FMNL2: variants seen among roughly 807,000 people sequenced by gnomAD.
The protein encoded by FMNL2 is formin-like protein 2.
A neutral mutation model predicts 130.2 loss-of-function variants in FMNL2; 51 were observed. The ratio of observed to expected loss-of-function variants is 0.39; its 90% CI spans 0.31 to 0.49. FMNL2 has a LOEUF of 0.49. FMNL2 is among the 20% of genes least tolerant of loss of function. The pLI is 0.85. For missense variants in FMNL2, 977 were observed against 1,316.2 expected, an observed-to-expected ratio of 0.74 and a Z score of 3.99; for synonymous variants, 465 against 467.1, an observed-to-expected ratio of 1.00 and a Z score of 0.06.
intron 7 of FMNL2, among the ~76,000 whole-genome samples, chr2:152,576,888 TAGA>T (rs1696506848): frequency 6.6e-6 from 1 of 151,774 alleles, no homozygotes; most frequent in African/African-American, 2.4e-5. Context: ...GGGAGAAGAG[TAGA>T]AGATGAAGTC....
At chr2:152,645,473 A>C in intron 25 of FMNL2, 1 of 1,289,938 alleles carries the variant, frequency 7.8e-7, no homozygotes, top group Non-Finnish European at 1.0e-6. Context: ...CCAAATGTTC[A>C]CTCGAGGGTA....
chr2:152,455,232 C>G (rs1340482151), intron 1 of FMNL2, among the ~76,000 whole-genome samples: 1 of 151,990 alleles, frequency 6.6e-6, no homozygotes, highest in Non-Finnish European at 1.5e-5. Context: ...ATGGGAAGTA[C>G]ACTTGGAAAG....
chr2:152,410,424 A>C (rs934976269), intron 1 of FMNL2, among the ~76,000 whole-genome samples: 2 of 152,232 alleles, frequency 1.3e-5, no homozygotes, highest in African/African-American at 2.4e-5. Flanking sequence ...ATTTCTCCAG[A>C]TCAGACTTTT....
chr2:152,623,147 A>G (rs558792050), intron 15 of FMNL2, among the ~76,000 whole-genome samples: 1 of 152,284 alleles, frequency 6.6e-6, no homozygotes, highest in African/African-American at 2.4e-5. Context: ...GCAAATGGCA[A>G]ACTTCTAGCG....
At chr2:152,579,093 CTT>C (rs1311462387) in intron 8 of FMNL2, 129 bp downstream of exon 8, 11 of 734,664 alleles carry the variant, frequency 1.5e-5, no homozygotes, top group African/African-American at 3.6e-5. Flanking sequence ...GCTATAAACT[CTT>C]TGGCTGTGTA....
intron 2 of FMNL2, among the ~76,000 whole-genome samples, chr2:152,523,354 T>C (rs1461681328): frequency 6.6e-6 from 1 of 152,144 alleles, no homozygotes; most frequent in Non-Finnish European, 1.5e-5. Context: ...TAAATGCTTA[T>C]AAGAGACCAT....
rs775179339 is a variant in FMNL2 at position 152,606,993 on chromosome 2, GT to G, written c.877-334del. The stretch of plus-strand genomic sequence containing the variant: ...CTTTTTACAAAAGGAAGCTATGGTC[GT>G]TTTTTTTTTTTGTTTTTTTTTTTTT... On this transcript the variant is annotated intron_variant, in intron 9 of 25. Coordinates refer to ENST00000288670, the MANE Select transcript of FMNL2 (RefSeq NM_052905.4). Among the ~76,000 whole-genome samples the G allele has an allele frequency of 3.3e-3, 356 of 108,880 alleles. 3 individuals are homozygous for G. Among genetic ancestry groups the G allele is most frequent in the African/African-American group, 9.7e-3 (289 of 29,834 alleles). The allele number at this position is 108,880 out of a possible 152,430, so 71.4% of individuals were successfully genotyped here.
intron 21 of FMNL2, 118 bp from the exon 22 acceptor site, chr2:152,636,309 A>C: frequency 4.0e-6 from 4 of 988,326 alleles, no homozygotes; most frequent in Non-Finnish European, 2.9e-6. Flanking sequence ...GCTGGAAGCT[A>C]GGTTTAGGGC....
intron 1 of FMNL2, among the ~76,000 whole-genome samples, chr2:152,505,105 G>A (rs1367943516): frequency 1.3e-5 from 2 of 152,000 alleles, no homozygotes; most frequent in African/African-American, 4.8e-5. Context: ...AGTCACACAC[G>A]AGTCTGCTCA....
intron 23 of FMNL2, 145 bp downstream of exon 23, chr2:152,637,819 C>T: frequency 1.5e-6 from 1 of 671,812 alleles, no homozygotes. Flanking sequence ...GTCCCTAGCT[C>T]TGTGGAGGCT....
At chr2:152,521,478 C>CT (rs570777199) in intron 1 of FMNL2, among the ~76,000 whole-genome samples, 3,286 of 149,878 alleles carry the variant, frequency 0.022, 112 homozygotes, top group African/African-American at 0.076. Flanking sequence ...GCATTGTTGT[C>CT]TTTTTTTTTT....
At chr2:152,459,194 C>T (rs1192057817) in intron 1 of FMNL2, among the ~76,000 whole-genome samples, 1 of 152,136 alleles carries the variant, frequency 6.6e-6, no homozygotes, top group Non-Finnish European at 1.5e-5. Flanking sequence ...TTTTTGAGAA[C>T]ATATGGAGAG....
intron 1 of FMNL2, among the ~76,000 whole-genome samples, chr2:152,450,522 G>C (rs1258387612): frequency 6.6e-6 from 1 of 152,166 alleles, no homozygotes; most frequent in African/African-American, 2.4e-5. Context: ...TAATTAGATT[G>C]TTTATTCGAA....
intron 9 of FMNL2, among the ~76,000 whole-genome samples, chr2:152,598,016 C>T (rs73971907): frequency 0.027 from 4,066 of 152,256 alleles, 201 homozygotes; most frequent in African/African-American, 0.089. Flanking sequence ...CCAAGAGTCC[C>T]TGTCTTCAAG....
At chr2:152,619,853 G>T in intron 15 of FMNL2, 135 bp downstream of exon 15, 1 of 1,463,626 alleles carries the variant, frequency 6.8e-7, no homozygotes, top group Non-Finnish European at 9.1e-7. Context: ...AATTCCTGCT[G>T]ATGTAGCCGA....
chr2:152,537,217 C>T (rs1225798592), intron 2 of FMNL2, among the ~76,000 whole-genome samples: 1 of 152,242 alleles, frequency 6.6e-6, no homozygotes, highest in Non-Finnish European at 1.5e-5. Context: ...TAATTTACTA[C>T]ACCCCTGTCA....
At chr2:152,381,752 C>G (rs1052407537) in intron 1 of FMNL2, among the ~76,000 whole-genome samples, 1 of 152,086 alleles carries the variant, frequency 6.6e-6, no homozygotes, top group African/African-American at 2.4e-5. Flanking sequence ...TTTAAATGTA[C>G]TGCTTTAAGA....
intron 9 of FMNL2, among the ~76,000 whole-genome samples, chr2:152,599,356 G>A (rs1452237133): frequency 7.4e-6 from 1 of 134,932 alleles, no homozygotes; most frequent in African/African-American, 2.7e-5. Flanking sequence ...GATCATTTAT[G>A]ACCTATTGTA....
intron 1 of FMNL2, among the ~76,000 whole-genome samples, chr2:152,464,522 A>G (rs1277496337): frequency 1.3e-5 from 2 of 152,176 alleles, no homozygotes; most frequent in African/African-American, 4.8e-5. Context: ...TTGGGGGAGA[A>G]GGGAGCAGAG....
Sources: allele counts gnomAD v4.1 joint callset (sites outside exome capture counted in the v4.1 genomes callset), GRCh38; gene constraint gnomAD v4.1.1; transcripts MANE v1.5; gene names NCBI Gene and HGNC (gene_info 2026-07-23, HGNC 2026-07-21).